The following EHBP1 variants were observed in gnomAD, a reference collection of about 807,000 sequenced individuals.
EHBP1 encodes EH domain binding protein 1.
A neutral mutation model predicts 144.0 loss-of-function variants in EHBP1; 55 were observed. The ratio of observed to expected loss-of-function variants is 0.38; its 90% CI spans 0.31 to 0.48. The LOEUF (loss-of-function observed/expected upper bound fraction) is 0.48. Among genes scored for constraint, EHBP1 ranks in the 20% least tolerant of loss-of-function variants. The pLI, the probability that EHBP1 is intolerant of heterozygous loss-of-function variation, is 0.98. For missense variants in EHBP1, 1,200 were observed against 1,364.2 expected (o/e 0.88, Z 1.90); for synonymous variants, 469 against 472.7 (o/e 0.99, Z 0.10).
intron 19 of EHBP1, among the ~76,000 whole-genome samples, chr2:63,000,552 C>T (rs1243850306): frequency 6.6e-6 from 1 of 151,906 alleles, no homozygotes; most frequent in Non-Finnish European, 1.5e-5. Context: ...AAAAAATTAG[C>T]AGGATGTGGT....
intron 5 of EHBP1, among the ~76,000 whole-genome samples, chr2:62,824,264 C>G (rs1275711438): frequency 6.6e-6 from 1 of 151,794 alleles, no homozygotes; most frequent in African/African-American, 2.4e-5. Context: ...ATTAAGGGAT[C>G]AATGTCATAC....
chr2:62,847,924 A>C (rs2048407720), intron 7 of EHBP1, among the ~76,000 whole-genome samples: 1 of 152,174 alleles, frequency 6.6e-6, no homozygotes, highest in Non-Finnish European at 1.5e-5. Context: ...GGGAGATGCA[A>C]ATTAAAATCA....
Position 62,937,144 on chromosome 2 carries a change from A to G in EHBP1, c.1186-5574A>G, listed in dbSNP as rs565107328. ...TTAAACATATAGAGGGCAGCGATCT[A>G]ACCTCTGAAGACAATAAGAAGTTGA... On this transcript the variant is annotated intron_variant, in intron 10 of 22. Coordinates refer to ENST00000431489, the MANE Select transcript of EHBP1 (RefSeq NM_001142616.3). 1.9e-4 allele frequency among the ~76,000 whole-genome samples: 29 copies of G among 152,350 alleles called. No individual in the cohort carries two copies. The East Asian group carries it at 3.5e-3, about 18-fold the overall frequency.
intron 10 of EHBP1, among the ~76,000 whole-genome samples, chr2:62,936,284 T>C (rs930426580): frequency 1.3e-5 from 2 of 152,156 alleles, no homozygotes; most frequent in Admixed American, 6.5e-5. Context: ...TTAACAGTTA[T>C]AGAACTCTCT....
intron 3 of EHBP1, among the ~76,000 whole-genome samples, chr2:62,754,817 G>A (rs1037701787): frequency 1.3e-5 from 2 of 152,212 alleles, no homozygotes; most frequent in East Asian, 1.9e-4. Context: ...CTGGTGTGCC[G>A]TTTGCTAAGA....
intron 10 of EHBP1, among the ~76,000 whole-genome samples, chr2:62,922,937 A>G (rs534370490): frequency 3.3e-5 from 5 of 152,334 alleles, no homozygotes; most frequent in South Asian, 2.1e-4. Context: ...CAACAGGAGA[A>G]TCCCACAGTC....
chr2:62,955,662 TGA>T lies in EHBP1; in HGVS notation c.2460+4_2460+5del. 6.2e-7 allele frequency: 1 copy of T among 1,604,234 alleles called. No individual in the cohort carries two copies. Among genetic ancestry groups the T allele is most frequent in the Non-Finnish European group, 8.5e-7 (1 of 1,176,128 alleles). On this transcript the variant is annotated splice_donor_region_variant and intron_variant, in intron 14 of 22. Transcript: ENST00000431489. ...TTCTGCAACAGGCAGCTAAGTGATGTGAGGAGCATTGGTTAAAAAAGACCATA... is the reference window on the plus strand; with the variant it reads ...TTCTGCAACAGGCAGCTAAGTGATGTGGAGCATTGGTTAAAAAAGACCATA...
chr2:62,739,929 G>A (rs1263055441), intron 2 of EHBP1, among the ~76,000 whole-genome samples: 4 of 129,476 alleles, frequency 3.1e-5, no homozygotes, highest in Non-Finnish European at 4.8e-5. Flanking sequence ...GTGAGAGCCT[G>A]TCTCAGAAAA....
chr2:63,037,526 G>A lies in EHBP1; in HGVS notation c.3104-9G>A, dbSNP rs1293576342. The A allele has an allele frequency of 2.5e-6, 4 of 1,587,948 alleles. No individual in the cohort carries two copies. Among genetic ancestry groups the A allele is most frequent in the Admixed American group, 1.7e-5 (1 of 57,874 alleles). On this transcript the variant is annotated splice_polypyrimidine_tract_variant and intron_variant, in intron 19 of 22. Coordinates refer to ENST00000431489, the MANE Select transcript of EHBP1 (RefSeq NM_001142616.3). ...CGTATAGTAAAAGGTAACTCTTCCC[G>A]AATTATAGGAAGGAACACAGAAGAA...
At chr2:62,732,825 C>CT (rs1312643577) in intron 2 of EHBP1, among the ~76,000 whole-genome samples, 2 of 152,056 alleles carry the variant, frequency 1.3e-5, no homozygotes, top group East Asian at 1.9e-4. Flanking sequence ...TGTTCTTTTT[C>CT]TTTTTTTCCC....
intron 5 of EHBP1, among the ~76,000 whole-genome samples, chr2:62,802,347 C>T (rs1313833680): frequency 1.3e-5 from 2 of 152,080 alleles, no homozygotes; most frequent in African/African-American, 4.8e-5. Flanking sequence ...GCCAGGGATG[C>T]AGCTAAACAC....
chr2:62,968,647 T>TA (rs1415400920), intron 14 of EHBP1, among the ~76,000 whole-genome samples: 1 of 152,220 alleles, frequency 6.6e-6, no homozygotes, highest in Non-Finnish European at 1.5e-5. Context: ...ACTTTGACGT[T>TA]ACATTTTTTT....
At chr2:62,887,791 T>C (rs1317838090) in intron 10 of EHBP1, among the ~76,000 whole-genome samples, 1 of 152,102 alleles carries the variant, frequency 6.6e-6, no homozygotes, top group African/African-American at 2.4e-5. Flanking sequence ...TGAGGGAAGA[T>C]CAGAATATTT....
chr2:63,003,434 A>G (rs1232201591), intron 19 of EHBP1, among the ~76,000 whole-genome samples: 1 of 152,110 alleles, frequency 6.6e-6, no homozygotes, highest in Non-Finnish European at 1.5e-5. Context: ...AGCGCATTAA[A>G]TAATAGAGAT....
chr2:62,856,238 G>C (rs2049045908), intron 7 of EHBP1, among the ~76,000 whole-genome samples: 1 of 152,210 alleles, frequency 6.6e-6, no homozygotes, highest in Admixed American at 6.5e-5. Context: ...CACATTGCAG[G>C]TGAAGAGGAG....
chr2:62,877,346 A>G (rs1573855313), intron 10 of EHBP1, among the ~76,000 whole-genome samples: 1 of 152,234 alleles, frequency 6.6e-6, no homozygotes, highest in African/African-American at 2.4e-5. Flanking sequence ...GAGCACCCAG[A>G]TTCATAAAAC....
At chr2:62,729,421 TATAATATA>T (rs1346569093) in intron 2 of EHBP1, among the ~76,000 whole-genome samples, 32 of 99,946 alleles carry the variant, frequency 3.2e-4, no homozygotes, top group Non-Finnish European at 5.7e-4. Context: ...ATAATAATAA[TATAATATA>T]ATAATAATAA....
chr2:62,725,418 G>C (rs549575156), intron 2 of EHBP1, among the ~76,000 whole-genome samples: 34 of 152,308 alleles, frequency 2.2e-4, no homozygotes, highest in Non-Finnish European at 4.0e-4. Context: ...GTGGGGATGC[G>C]GGGGCCCCCT....
chr2:62,939,244 G>T (rs2710651), intron 10 of EHBP1, among the ~76,000 whole-genome samples: 2 of 151,970 alleles, frequency 1.3e-5, no homozygotes, highest in Non-Finnish European at 2.9e-5. Context: ...GTGCTGAATT[G>T]GGGTTGGATG....
Sources: allele counts gnomAD v4.1 joint callset (sites outside exome capture counted in the v4.1 genomes callset), GRCh38; gene constraint gnomAD v4.1.1; transcripts MANE v1.5; gene names NCBI Gene and HGNC (gene_info 2026-07-23, HGNC 2026-07-21).